The following AKR1B15 variants were observed in gnomAD, a reference collection of about 807,000 sequenced individuals.
The protein encoded by AKR1B15 is aldo-keto reductase family 1 member B15, also known as estradiol 17-beta-dehydrogenase AKR1B15.
In AKR1B15, 49 loss-of-function variants were observed where a neutral mutation model predicts 38.5. The observed-to-expected ratio is 1.27, with a 90% CI of 1.01 to 1.62. The LOEUF is 1.62. Among genes scored for constraint, AKR1B15 ranks in the 40% most tolerant of loss-of-function variants. The probability of loss-of-function intolerance (pLI) is 0.00; values close to 1 mark genes in which losing one functional copy is unlikely to be tolerated. For synonymous variants in AKR1B15, 137 were observed against 135.5 expected, an observed-to-expected ratio of 1.01 and a Z score of -0.08; for missense variants, 411 against 381.6, an observed-to-expected ratio of 1.08 and a Z score of -0.64.
intron 8 of AKR1B15, 25 bp downstream of exon 8, chr7:134,575,952 T>G: frequency 6.2e-7 from 1 of 1,610,040 alleles, no homozygotes; most frequent in Non-Finnish European, 8.5e-7. Context: ...TGGTGGGTCT[T>G]TCTCTTGATA....
chr7:134,562,215 A>C (rs1365032668), intron 2 of AKR1B15, among the ~76,000 whole-genome samples: 1 of 152,130 alleles, frequency 6.6e-6, no homozygotes, highest in African/African-American at 2.4e-5. Flanking sequence ...CTTCACAGTG[A>C]GTGTTACAGT....
chr7:134,571,188 A>T (rs1794660128), intron 5 of AKR1B15, among the ~76,000 whole-genome samples: 1 of 152,182 alleles, frequency 6.6e-6, no homozygotes, highest in East Asian at 1.9e-4. Context: ...GCCATCCCGA[A>T]TTCCACGCCT....
intron 3 of AKR1B15, among the ~76,000 whole-genome samples, chr7:134,566,544 T>C (rs1794539705): frequency 1.3e-5 from 2 of 152,272 alleles, no homozygotes; most frequent in South Asian, 4.1e-4. Flanking sequence ...TTAGGCTAAG[T>C]TTGAAGTTGT....
chr7:134,560,958 ATT>A (rs970068038), intron 2 of AKR1B15, among the ~76,000 whole-genome samples: 1 of 152,336 alleles, frequency 6.6e-6, no homozygotes, highest in East Asian at 1.9e-4. Context: ...TCCTTAAAAA[ATT>A]TTTGTTTTCC....
At chr7:134,573,525 C>T (rs1011380741) in intron 6 of AKR1B15, 1 of 985,388 alleles carries the variant, frequency 1.0e-6, no homozygotes, top group Non-Finnish European at 1.2e-6. Context: ...TTGAAACGAG[C>T]ATGCTTGAAT....
chr7:134,558,694 C>T (rs1794286945), intron 2 of AKR1B15, among the ~76,000 whole-genome samples: 1 of 152,170 alleles, frequency 6.6e-6, no homozygotes, highest in South Asian at 2.1e-4. Flanking sequence ...ATTGGCCTGT[C>T]ACCTGAGGAA....
chr7:134,568,403 T>C (rs764234557), intron 4 of AKR1B15, 78 bp downstream of exon 4: 7 of 1,573,914 alleles, frequency 4.4e-6, no homozygotes, highest in Non-Finnish European at 6.0e-6. Flanking sequence ...CAGCAAGAAC[T>C]CTGTCGGCCT....
At chr7:134,575,338 T>C in intron 6 of AKR1B15, 82 bp from the exon 7 acceptor site, 1 of 1,544,004 alleles carries the variant, frequency 6.5e-7, no homozygotes, top group East Asian at 2.3e-5. Context: ...TTTAGCAATT[T>C]CTGCCCCAGG....
chr7:134,556,924 T>TA (rs1353350677), intron 2 of AKR1B15, 65 bp downstream of exon 2: 1 of 152,206 alleles, frequency 6.6e-6, no homozygotes, highest in Non-Finnish European at 1.5e-5. Flanking sequence ...GTAGAGTCTC[T>TA]AGCTGAAGTA....
intron 6 of AKR1B15, among the ~76,000 whole-genome samples, chr7:134,571,981 G>T (rs1293357699): frequency 1.3e-5 from 2 of 152,134 alleles, no homozygotes; most frequent in South Asian, 4.1e-4. Flanking sequence ...TTTGGGCCTG[G>T]GTTTGCTCAT....
At chr7:134,572,731 A>G (rs1794692114) in intron 6 of AKR1B15, among the ~76,000 whole-genome samples, 1 of 152,072 alleles carries the variant, frequency 6.6e-6, no homozygotes, top group Non-Finnish European at 1.5e-5. Context: ...TTGAAAATGA[A>G]TTAAGGGATG....
chr7:134,578,354 G>T (rs1179255272), intron 11 of AKR1B15, among the ~76,000 whole-genome samples: 1 of 152,132 alleles, frequency 6.6e-6, no homozygotes, highest in Non-Finnish European at 1.5e-5. Flanking sequence ...TGGGGGAAGA[G>T]CATTCTTGGC....
chr7:134,568,290 G>A lies in AKR1B15; in HGVS notation c.283G>A (p.Ala95Thr), dbSNP rs201714104. Residue 95 changes from alanine (A) to threonine (T), a missense_variant, in exon 4 of 12, where the codon GCT becomes ACT. Transcript: ENST00000457545. Reference sequence around the variant, plus strand: ...CATCCAAGAGAAGATCCAAGAGAAGGCTGTGATGCGGGAGGACCTGTTCAT... The same window carrying A: ...CATCCAAGAGAAGATCCAAGAGAAGACTGTGATGCGGGAGGACCTGTTCAT... Reference protein sequence around the residue: ...EAIQEKIQEKAVMREDLFIVS... With the variant: ...EAIQEKIQEKTVMREDLFIVS... The A allele has an allele frequency of 3.8e-4, 616 of 1,614,092 alleles. 8 individuals carry two copies. In the East Asian group the frequency reaches 0.014, roughly 36 times the overall value.
chr7:134,577,155 TC>T (rs1300107701), intron 10 of AKR1B15, 109 bp downstream of exon 10: 3 of 1,132,808 alleles, frequency 2.6e-6, no homozygotes, highest in South Asian at 1.4e-5. Context: ...GCCCCCTCCT[TC>T]CCCACCACCC....
At position 134,579,766 on chromosome 7, in the gene AKR1B15, A is replaced by G. The variant is rs1244003949; in HGVS notation, c.*217A>G. 2 of 497,772 alleles carry G rather than the reference A, an allele frequency of 4.0e-6. No individual in the cohort carries two copies. Among genetic ancestry groups the G allele is most frequent in the Non-Finnish European group, 7.0e-6 (2 of 286,510 alleles). 30.8% of individuals were successfully genotyped at this position (497,772 alleles called of 1,614,324 possible). On this transcript the variant is annotated 3_prime_UTR_variant, in exon 12 of 12. Transcript: ENST00000457545. ...AAAGCATGGCCTGAATAAGCAAATG[A>G]CAATTTTTTCCACTTATCTGATCTG...
chr7:134,568,853 A>G (rs1362133171), intron 4 of AKR1B15, among the ~76,000 whole-genome samples: 1 of 100,596 alleles, frequency 9.9e-6, no homozygotes, highest in Admixed American at 1.2e-4. Context: ...TCTATATTAT[A>G]TGCAAGTTGC....
rs1022387495 is a variant in AKR1B15 at position 134,564,747 on chromosome 7, C to T, written c.128C>T (p.Pro43Leu). 17 of 686,754 alleles carry T rather than the reference C, an allele frequency of 2.5e-5. No homozygotes were observed. The Admixed American group carries it at 3.1e-4, about 13-fold the overall frequency. 42.5% of individuals were successfully genotyped at this position (686,754 alleles called of 1,614,324 possible). A position where few individuals can be genotyped will look rare whatever the true frequency, so the allele number is the denominator to read the frequency against. ...SLLKDTTSAG[P>L]LLRPYPASLL... ...CTGAAGGACACTACAAGTGCAGGGCCCCTTCTTCGCCCCTATCCAGCAGTA... is the reference window on the plus strand; with the variant it reads ...CTGAAGGACACTACAAGTGCAGGGCTCCTTCTTCGCCCCTATCCAGCAGTA... The change falls in exon 3 of 12, where the codon CCC becomes CTC. Residue 43 changes from proline (P) to leucine (L), a missense_variant. Coordinates refer to ENST00000457545, the MANE Select transcript of AKR1B15 (RefSeq NM_001080538.3).
At chr7:134,561,761 G>T (rs1156928624) in intron 2 of AKR1B15, among the ~76,000 whole-genome samples, 1 of 151,742 alleles carries the variant, frequency 6.6e-6, no homozygotes, top group Non-Finnish European at 1.5e-5. Context: ...GTCATGGCAT[G>T]TCACAGCATG....
intron 3 of AKR1B15, 152 bp downstream of exon 3, chr7:134,564,921 C>A (rs1794499217): frequency 8.2e-6 from 4 of 490,362 alleles, no homozygotes; most frequent in Non-Finnish European, 1.4e-5. Flanking sequence ...GTAAATGCAC[C>A]AATCAGTGCT....
Sources: allele counts gnomAD v4.1 joint callset (sites outside exome capture counted in the v4.1 genomes callset), GRCh38; gene constraint gnomAD v4.1.1; transcripts MANE v1.5; gene names NCBI Gene and HGNC (gene_info 2026-07-23, HGNC 2026-07-21).